SLC22A6: variants seen among roughly 807,000 people sequenced by gnomAD.
SLC22A6 encodes PAH transporter.
In SLC22A6, 45 loss-of-function variants were observed where a neutral mutation model predicts 56.7. That is an observed-to-expected ratio of 0.79 (90% CI 0.63 to 1.02). The LOEUF is 1.02. SLC22A6 is among the 50% of genes least tolerant of loss of function. The probability of loss-of-function intolerance (pLI) is 0.00; values close to 1 mark genes in which losing one functional copy is unlikely to be tolerated. For synonymous variants in SLC22A6, 291 were observed against 295.9 expected, an observed-to-expected ratio of 0.98 and a Z score of 0.17; for missense variants, 606 against 713.8, an observed-to-expected ratio of 0.85 and a Z score of 1.72.
chr11:62,977,448 G>A (rs1052265658), intron 8 of SLC22A6, 61 bp from the exon 9 acceptor site: 18 of 1,533,572 alleles, frequency 1.2e-5, no homozygotes, highest in Admixed American at 5.8e-5. Context: ...CCAGATGCTG[G>A]TCCCATTTGG....
Position 62,977,311 on chromosome 11 carries a change from C to T in SLC22A6, c.1438G>A (p.Glu480Lys), listed in dbSNP as rs1230203789. Residue 480 changes from glutamate (E) to lysine (K), a missense_variant, in exon 9 of 10, where the codon GAG becomes AAG. Transcript: ENST00000360421. ...IVSPLVSMTA[E>K]LYPSMPLFIY... ...AAGAGAGGCATGGAGGGGTAGAGCT[C>T]GGCAGTCATGCTCACCAGTGGGCTC... The T allele has an allele frequency of 7.4e-6, 12 of 1,613,732 alleles. No individual in the cohort carries two copies. The highest frequency in any genetic ancestry group is 4.0e-5 in the African/African-American group (3 of 74,912).
chr11:62,984,625 G>C lies in SLC22A6; in HGVS notation c.66C>G (p.Thr22=). The change falls in exon 1 of 10, where the codon ACC becomes ACG. Residue 22 remains threonine, a synonymous_variant. Coordinates refer to ENST00000360421, the MANE Select transcript of SLC22A6 (RefSeq NM_153276.3). ...TCAGGAGCAGGGGGAGGACCACCAGGGTGACCTGGATCTGCTGGAAGCGGC... is the reference window on the plus strand; with the variant it reads ...TCAGGAGCAGGGGGAGGACCACCAGCGTGACCTGGATCTGCTGGAAGCGGC... The part of the protein sequence containing the change: ...GVGRFQQIQV[T]LVVLPLLLMA... 2 of 1,613,738 alleles carry C rather than the reference G, an allele frequency of 1.2e-6. No individual in the cohort carries two copies. The highest frequency in any genetic ancestry group is 1.7e-6 in the Non-Finnish European group (2 of 1,179,890).
chr11:62,984,605 A>G lies in SLC22A6; in HGVS notation c.86T>C (p.Leu29Pro). The G allele has an allele frequency of 6.2e-7, 1 of 1,613,616 alleles. No homozygotes were observed. Residue 29 changes from leucine (L) to proline (P), a missense_variant, in exon 1 of 10, where the codon CTC (leucine) becomes CCC (proline). Transcript: ENST00000360421. ...IQVTLVVLPL[L>P]LMASHNTLQN... is the part of the protein sequence containing the mutation. ...CAGGGTGTTGTGAGAAGCCATCAGG[A>G]GCAGGGGGAGGACCACCAGGGTGAC...
intron 3 of SLC22A6, among the ~76,000 whole-genome samples, chr11:62,982,494 T>C (rs927893701): frequency 3.3e-5 from 5 of 151,852 alleles, no homozygotes; most frequent in African/African-American, 9.7e-5. Flanking sequence ...GGGCTCCCCA[T>C]TGGGCTGCTG....
intron 6 of SLC22A6, 119 bp downstream of exon 6, chr11:62,980,866 T>C (rs1004597530): frequency 9.1e-6 from 7 of 772,638 alleles, no homozygotes; most frequent in Non-Finnish European, 1.0e-5. Flanking sequence ...GTGGGGTTAC[T>C]GCTTCTCACA....
At position 62,983,523 on chromosome 11, in the gene SLC22A6, T is replaced by C. The variant is rs781020993; in HGVS notation, c.628+14A>G. The stretch of plus-strand genomic sequence containing the variant: ...GGGTGGCCGGAGGGGAGTGGGCTGG[T>C]AAGAATCTCTCACTCAGTGTCATGC... On this transcript the variant is annotated intron_variant, in intron 3 of 9. Transcript: ENST00000360421. This position sits in a 1 kb window ranked among gnomAD's most constrained non-coding sequence, Gnocchi z 4.5. 6.4e-7 allele frequency: 1 copy of C among 1,553,258 alleles called. No individual in the cohort carries two copies. The highest frequency in any genetic ancestry group is 1.2e-5 in the South Asian group (1 of 84,138).
At position 62,984,918 on chromosome 11, in the gene SLC22A6, A is replaced by G; in HGVS notation, c.-228T>C. On this transcript the variant is annotated 5_prime_UTR_variant, in exon 1 of 10. Transcript: ENST00000360421. The stretch of plus-strand genomic sequence containing the variant: ...GATCTGTCCCTCCCTTTTCCCTTGC[A>G]GCTTCTCCTCACTTTGGGGGTCAGG... 1.8e-6 allele frequency: 1 copy of G among 556,368 alleles called. No homozygotes were observed. Among genetic ancestry groups the G allele is most frequent in the Non-Finnish European group, 3.2e-6 (1 of 313,360 alleles). The allele number at this position is 556,368 out of a possible 1,614,324, so 34.5% of individuals were successfully genotyped here.
intron 6 of SLC22A6, among the ~76,000 whole-genome samples, chr11:62,980,713 T>C (rs925082793): frequency 6.6e-6 from 1 of 152,218 alleles, no homozygotes; most frequent in East Asian, 1.9e-4. Context: ...GTCTATTGAC[T>C]CTGGAGCCCA....
chr11:62,976,880 T>A lies in SLC22A6; in HGVS notation c.1567A>T (p.Lys523Ter). The A allele has an allele frequency of 6.2e-7, 1 of 1,613,886 alleles. No homozygotes were observed. Among genetic ancestry groups the A allele is most frequent in the Non-Finnish European group, 8.5e-7 (1 of 1,179,924 alleles). The change falls in exon 10 of 10, where the codon AAA becomes TAA. Residue 523 changes from lysine (K) to a stop codon, truncating the protein, a stop_gained and splice_region_variant. Transcript: ENST00000360421. LOFTEE classifies it high-confidence loss of function. The part of the protein sequence containing the change: ...PDTVQDLESR[K>*]GKQTRQQQEH... Reference sequence around the variant, plus strand: ...TGTTGCTGTCGCGTCTGTTTCCCTTTCCTGCAGGGCGGCAGAAGAATGGCA... The same window carrying A: ...TGTTGCTGTCGCGTCTGTTTCCCTTACCTGCAGGGCGGCAGAAGAATGGCA...
At chr11:62,979,446 C>T in intron 8 of SLC22A6, 42 bp downstream of exon 8, 3 of 1,304,384 alleles carry the variant, frequency 2.3e-6, no homozygotes, top group South Asian at 1.2e-5. Flanking sequence ...AATGTCTTTC[C>T]CCAGGAAAAG....
intron 3 of SLC22A6, 96 bp from the exon 4 acceptor site, chr11:62,982,106 T>G: frequency 1.6e-6 from 2 of 1,253,500 alleles, no homozygotes; most frequent in Non-Finnish European, 2.2e-6. Context: ...GTCCCAAGGC[T>G]CAGTGGAAAA....
Position 62,979,602 on chromosome 11 carries a change from G to A in SLC22A6, c.1253-6C>T. The A allele has an allele frequency of 6.2e-7, 1 of 1,611,746 alleles. No homozygotes were observed. Among genetic ancestry groups the A allele is most frequent in the Non-Finnish European group, 8.5e-7 (1 of 1,177,796 alleles). On this transcript the variant is annotated splice_region_variant and splice_polypyrimidine_tract_variant and intron_variant, in intron 7 of 9. Coordinates refer to ENST00000360421, the MANE Select transcript of SLC22A6 (RefSeq NM_153276.3). ...GGTTCGGACAATGGACTGGTCTAGAGAGAAAGAAGGGGGGATAGCAGGAGC... is the reference window on the plus strand; with the variant it reads ...GGTTCGGACAATGGACTGGTCTAGAAAGAAAGAAGGGGGGATAGCAGGAGC...
rs11568630 is a variant in SLC22A6 at position 62,984,511 on chromosome 11, G to A, written c.180C>T (p.Asn60=). The change falls in exon 1 of 10, where the codon AAC becomes AAT. Residue 60 remains asparagine (N), a synonymous_variant. Transcript: ENST00000360421. The part of the protein sequence containing the change: ...RPPADANLSK[N]GGLEVWLPRD... ...GGGGCAGCCAGACCTCCAGCCCCCC[G>A]TTCTTGCTGAGGTTGGCATCGGCAG... is the stretch of plus-strand genomic sequence containing the variant. 1,069 of 1,613,964 alleles carry A rather than the reference G, an allele frequency of 6.6e-4. 13 individuals carry two copies. The East Asian group carries it at 0.016, about 24-fold the overall frequency.
At chr11:62,980,038 C>A (rs72480413) in intron 6 of SLC22A6, 90 bp from the exon 7 acceptor site, 10,058 of 872,090 alleles carry the variant, frequency 0.012, 216 homozygotes, top group Admixed American at 0.062. Context: ...GCATTGGGTA[C>A]CCTGCTTAAG....
chr11:62,982,374 G>A (rs1033074220), intron 3 of SLC22A6, among the ~76,000 whole-genome samples: 1 of 152,162 alleles, frequency 6.6e-6, no homozygotes, highest in Non-Finnish European at 1.5e-5. Flanking sequence ...CACTCTCAGT[G>A]GCCAGAGCAT....
At position 62,983,621 on chromosome 11, in the gene SLC22A6, C is replaced by A. The variant is rs776096616; in HGVS notation, c.544G>T (p.Ala182Ser). The change falls in exon 3 of 10, where the codon GCA (alanine) becomes TCA (serine). Residue 182 changes from alanine (A) to serine (S), a missense_variant. Transcript: ENST00000360421. This position sits in a 1 kb window ranked among gnomAD's most constrained non-coding sequence, Gnocchi z 4.5. ...GCGCAGTAGATGGGGAAGTTGGGTG[C>A]GAAGGCTGCGCAGGTCCCTGACACA... is the stretch of plus-strand genomic sequence containing the variant. The part of the protein sequence containing the change: ...TAVSGTCAAF[A>S]PNFPIYCAFR... 3 of 1,608,340 alleles carry A rather than the reference C, an allele frequency of 1.9e-6. No homozygotes were observed. The highest frequency in any genetic ancestry group is 2.7e-5 in the African/African-American group (2 of 74,810).
rs754154567 is a variant in SLC22A6, at chr11:62,984,451, G to A, written c.240C>T (p.Arg80=). ...GCAGTCCCCACTGCGGGGAGGTGAA[G>A]CGGAGGCAGGACTCAGGCTGCCCCT... The part of the protein sequence containing the change: ...DRQGQPESCL[R]FTSPQWGLPF... The change falls in exon 1 of 10, where the codon CGC becomes CGT. Residue 80 remains arginine (R), a synonymous_variant. Coordinates refer to ENST00000360421, the MANE Select transcript of SLC22A6 (RefSeq NM_153276.3). 3.1e-6 allele frequency: 5 copies of A among 1,613,970 alleles called. No homozygotes were observed. The Admixed American group carries it at 8.3e-5, about 27-fold the overall frequency.
rs1456875096 is a variant in SLC22A6 at position 62,979,916 on chromosome 11, A to G, written c.1070T>C (p.Val357Ala). Residue 357 changes from valine (V) to alanine (A), a missense_variant, in exon 7 of 10, where the codon GTC (valine) becomes GCC (alanine). Val to Ala is a moderately conservative substitution (Grantham distance 64). Transcript: ENST00000360421. ...FATSFAYYGL[V>A]MDLQGFGVSI... ...GACTCCAAAGCCCTGCAGGTCCATG[A>G]CCAGCCCATAGTATGCAAAGCTAGT... 3 of 1,613,992 alleles carry G rather than the reference A, an allele frequency of 1.9e-6. No homozygotes were observed. In the African/African-American group the frequency reaches 4.0e-5, roughly 22 times the overall value.
chr11:62,981,312 C>G lies in SLC22A6; in HGVS notation c.869G>C (p.Arg290Thr). The change falls in exon 5 of 10, where the codon AGA (arginine) becomes ACA (threonine). Residue 290 changes from arginine to threonine, a missense_variant. Arg to Thr is a moderately conservative substitution (Grantham distance 71, BLOSUM62 -1). Transcript: ENST00000360421. The part of the protein sequence containing the change: ...RLDLTLRALQ[R>T]VARINGKREE... ...CCGCTTCCCATTGATCCGGGCGACT[C>G]TCTGCAGGGCCCTCAGGGTGAGGTC... is the stretch of plus-strand genomic sequence containing the variant. The G allele has an allele frequency of 1.2e-6, 2 of 1,605,396 alleles. No homozygotes were observed. Among genetic ancestry groups the G allele is most frequent in the Middle Eastern group, 3.3e-4 (2 of 6,056 alleles).
Sources: allele counts gnomAD v4.1 joint callset (sites outside exome capture counted in the v4.1 genomes callset), GRCh38; gene constraint gnomAD v4.1.1; non-coding constraint Gnocchi (gnomAD v3.1); transcripts MANE v1.5; gene names NCBI Gene and HGNC (gene_info 2026-07-23, HGNC 2026-07-21).